ANKRD22: variants seen among roughly 807,000 people sequenced by gnomAD.
ANKRD22 encodes the protein ankyrin repeat domain 22, also known as ankyrin repeat domain-containing protein 22.
ANKRD22 carries 24 observed loss-of-function variants against 25.7 expected under a neutral mutation model. The ratio of observed to expected loss-of-function variants is 0.93; its 90% CI spans 0.68 to 1.31. ANKRD22 has a LOEUF of 1.31. Among genes scored for constraint, ANKRD22 ranks in the 50% most tolerant of loss-of-function variants. The probability of loss-of-function intolerance (pLI) is 0.00; values close to 1 mark genes in which losing one functional copy is unlikely to be tolerated. For missense variants in ANKRD22, 214 were observed against 227.1 expected, an observed-to-expected ratio of 0.94 and a Z score of 0.37; for synonymous variants, 84 against 84.3, an observed-to-expected ratio of 1.00 and a Z score of 0.02.
chr10:88,851,609 C>A lies in ANKRD22; in HGVS notation c.-2G>T. ...TACCTCAGAGTATAGGATTCCCATGCTGGTCCTTCACAGGCTTACTTCACC... is the reference window on the plus strand; with the variant it reads ...TACCTCAGAGTATAGGATTCCCATGATGGTCCTTCACAGGCTTACTTCACC... On this transcript the variant is annotated 5_prime_UTR_variant, in exon 1 of 6. Coordinates refer to ENST00000371930, the MANE Select transcript of ANKRD22 (RefSeq NM_144590.3). 6.2e-7 allele frequency: 1 copy of A among 1,613,414 alleles called. No individual in the cohort carries two copies. Among genetic ancestry groups the A allele is most frequent in the Non-Finnish European group, 8.5e-7 (1 of 1,179,536 alleles).
chr10:88,845,495 G>A (rs536858134), intron 1 of ANKRD22, among the ~76,000 whole-genome samples: 13 of 152,008 alleles, frequency 8.6e-5, no homozygotes, highest in South Asian at 2.1e-4. Context: ...CATGGATATC[G>A]CTAAAGTACC....
At chr10:88,843,322 C>A (rs1844020235) in intron 1 of ANKRD22, among the ~76,000 whole-genome samples, 1 of 152,072 alleles carries the variant, frequency 6.6e-6, no homozygotes, top group African/African-American at 2.4e-5. Flanking sequence ...TTGTTTTAAG[C>A]ATAATATGAT....
At chr10:88,842,363 T>C (rs950455322) in intron 1 of ANKRD22, among the ~76,000 whole-genome samples, 1 of 152,156 alleles carries the variant, frequency 6.6e-6, no homozygotes, top group Non-Finnish European at 1.5e-5. Context: ...CTAGAATTTA[T>C]ACTCTGGTCT....
chr10:88,827,354 A>G (rs1051030953), intron 3 of ANKRD22, among the ~76,000 whole-genome samples: 4 of 152,310 alleles, frequency 2.6e-5, no homozygotes, highest in Non-Finnish European at 4.4e-5. Context: ...TGAGCTATTC[A>G]TTACGATTAC....
intron 1 of ANKRD22, among the ~76,000 whole-genome samples, chr10:88,850,022 GA>G (rs1844089127): frequency 1.1e-5 from 1 of 92,010 alleles, no homozygotes; most frequent in Non-Finnish European, 2.3e-5. Flanking sequence ...TTTTTTTTTT[GA>G]ATAGATTCTT....
At chr10:88,834,174 A>T (rs1000057088) in intron 1 of ANKRD22, among the ~76,000 whole-genome samples, 2 of 152,236 alleles carry the variant, frequency 1.3e-5, no homozygotes, top group African/African-American at 4.8e-5. Flanking sequence ...AGTCATTTGG[A>T]GTTCAAAAAT....
At chr10:88,828,195 A>G (rs1843872267) in intron 3 of ANKRD22, among the ~76,000 whole-genome samples, 1 of 152,234 alleles carries the variant, frequency 6.6e-6, no homozygotes, top group South Asian at 2.1e-4. Flanking sequence ...GTAAGTCAGA[A>G]AGATAAATCC....
chr10:88,847,951 C>A (rs1017279836), intron 1 of ANKRD22, among the ~76,000 whole-genome samples: 1 of 151,618 alleles, frequency 6.6e-6, no homozygotes, highest in Admixed American at 6.6e-5. Flanking sequence ...ATATCACAGC[C>A]GAAAGGGGCT....
At chr10:88,845,390 T>C (rs1185730644) in intron 1 of ANKRD22, among the ~76,000 whole-genome samples, 2 of 152,154 alleles carry the variant, frequency 1.3e-5, no homozygotes. Context: ...AAATACCATG[T>C]ATATGCAGAC....
Position 88,823,314 on chromosome 10 carries a change from A to T in ANKRD22, c.464T>A (p.Leu155Ter). 1 of 1,613,980 alleles carries T rather than the reference A, an allele frequency of 6.2e-7. No homozygotes were observed. Among genetic ancestry groups the T allele is most frequent in the East Asian group, 2.2e-5 (1 of 44,898 alleles). The change falls in exon 5 of 6, where the codon TTG (leucine) becomes TAG (stop). Residue 155 changes from leucine to a stop codon, truncating the protein, a stop_gained. Transcript: ENST00000371930. LOFTEE classifies it high-confidence loss of function. ...TATTGTGGGGTCTGCACGGGCTTCC[A>T]AGAGCAGAGGGATAAGAGACTGGTT... ...MKNQSLIPLL[L>*]EARADPTIKN...
At chr10:88,824,297 G>C (rs1564601929) in intron 4 of ANKRD22, among the ~76,000 whole-genome samples, 1 of 152,184 alleles carries the variant, frequency 6.6e-6, no homozygotes, top group Non-Finnish European at 1.5e-5. Context: ...TTGGCCTTTG[G>C]AAAAGTAGCC....
intron 3 of ANKRD22, among the ~76,000 whole-genome samples, chr10:88,828,240 A>C (rs1345430890): frequency 6.6e-6 from 1 of 152,226 alleles, no homozygotes; most frequent in African/African-American, 2.4e-5. Context: ...AAAAGGAGAA[A>C]AAAATATTAG....
At chr10:88,826,877 GC>G (rs1843860793) in intron 3 of ANKRD22, among the ~76,000 whole-genome samples, 1 of 152,174 alleles carries the variant, frequency 6.6e-6, no homozygotes, top group Non-Finnish European at 1.5e-5. Context: ...AAAAAACTAT[GC>G]CTATTTTGTT....
In ANKRD22 at chr10:88,826,135, T is replaced by C. The variant is rs1843854373; in HGVS notation, c.322-20A>G. ...TGATACCTATTACAAATGGTAATTA[T>C]AAGAAAGGCTTATTTACAAATAGTT... is the stretch of plus-strand genomic sequence containing the variant. On this transcript the variant is annotated intron_variant, in intron 3 of 5. Transcript: ENST00000371930. 4 of 1,567,958 alleles carry C rather than the reference T, an allele frequency of 2.6e-6. No homozygotes were observed. Among genetic ancestry groups the C allele is most frequent in the Admixed American group, 1.8e-5 (1 of 57,108 alleles).
intron 1 of ANKRD22, among the ~76,000 whole-genome samples, chr10:88,842,956 A>G (rs1844015699): frequency 6.6e-6 from 1 of 152,122 alleles, no homozygotes; most frequent in South Asian, 2.1e-4. Context: ...TCCATTTTGG[A>G]TCATACTAAT....
chr10:88,851,502 T>C (rs977911376), intron 1 of ANKRD22, 85 bp downstream of exon 1: 6 of 1,489,950 alleles, frequency 4.0e-6, no homozygotes, highest in Non-Finnish European at 4.7e-6. Flanking sequence ...AACAGAAATA[T>C]ATTAACAGGG....
At position 88,840,239 on chromosome 10, in the gene ANKRD22, G is replaced by A. The variant is rs10509556; in HGVS notation, c.22-8213C>T. Among the ~76,000 whole-genome samples, 1,557 of 152,134 alleles carry A rather than the reference G, an allele frequency of 0.01. 54 individuals carry two copies. In the East Asian group the frequency reaches 0.15, roughly 14 times the overall value. Reference sequence around the variant, plus strand: ...GCCCAGGCACTAAAATTTAAGAAGCGTCCATGGGTAGAATATGACGCATCC... The same window carrying A: ...GCCCAGGCACTAAAATTTAAGAAGCATCCATGGGTAGAATATGACGCATCC... On this transcript the variant is annotated intron_variant, in intron 1 of 5. Transcript: ENST00000371930.
rs1843794665 is a variant in ANKRD22, at chr10:88,821,544, G to T, written c.*1397C>A. Among the ~76,000 whole-genome samples the T allele has an allele frequency of 1.3e-5, 2 of 152,098 alleles. No homozygotes were observed. The highest frequency in any genetic ancestry group is 6.5e-5 in the Admixed American group (1 of 15,282). On this transcript the variant is annotated 3_prime_UTR_variant, in exon 6 of 6. Coordinates refer to ENST00000371930, the MANE Select transcript of ANKRD22 (RefSeq NM_144590.3). Reference sequence around the variant, plus strand: ...CTTGTGTGGGTTTTTTGTCCCCAAGGGTCACCTGGTAGCTCAGCTCAATGC... The same window carrying T: ...CTTGTGTGGGTTTTTTGTCCCCAAGTGTCACCTGGTAGCTCAGCTCAATGC...
At chr10:88,844,452 A>G (rs1844030090) in intron 1 of ANKRD22, among the ~76,000 whole-genome samples, 1 of 152,132 alleles carries the variant, frequency 6.6e-6, no homozygotes. Context: ...TGTATTAAAT[A>G]GTACTTTATG....
Sources: gnomAD v4.1 joint callset for allele counts (sites outside exome capture counted in the v4.1 genomes callset) on GRCh38, gnomAD v4.1.1 for gene constraint, MANE v1.5 for transcripts, NCBI Gene and HGNC (gene_info 2026-07-23, HGNC 2026-07-21) for gene names.